The following WWOX variants were observed in gnomAD, a reference collection of about 807,000 sequenced individuals.
WWOX encodes WW domain containing oxidoreductase.
Under a neutral mutation model 46.2 loss-of-function variants are expected in WWOX, and 69 were observed. The observed-to-expected ratio is 1.49, with a 90% CI of 1.23 to 1.82. The LOEUF is 1.82. Among genes scored for constraint, WWOX ranks in the 40% most tolerant of loss-of-function variants. The pLI is 0.00. For synonymous variants in WWOX, 359 were observed against 202.6 expected, an observed-to-expected ratio of 1.77 and a Z score of -6.56; for missense variants, 919 against 542.6, an observed-to-expected ratio of 1.69 and a Z score of -6.89.
intron 8 of WWOX, among the ~76,000 whole-genome samples, chr16:78,488,558 C>A (rs1312896874): frequency 6.6e-6 from 1 of 152,132 alleles, no homozygotes; most frequent in Non-Finnish European, 1.5e-5. Flanking sequence ...CTTTTTGGCC[C>A]TACCTGGAGC....
At chr16:78,939,984 T>C (rs1473342871) in intron 8 of WWOX, among the ~76,000 whole-genome samples, 1 of 152,190 alleles carries the variant, frequency 6.6e-6, no homozygotes, top group Non-Finnish European at 1.5e-5. Flanking sequence ...ACTACATAAC[T>C]GGAAATTTTA....
chr16:78,890,509 C>A (rs1337187473), intron 8 of WWOX: 1 of 152,218 alleles, frequency 6.6e-6, no homozygotes, highest in African/African-American at 2.4e-5. Context: ...GGGCAAGCCT[C>A]CTGGCTTCCC....
At chr16:78,627,755 T>C (rs1161673018) in intron 8 of WWOX, among the ~76,000 whole-genome samples, 1 of 152,206 alleles carries the variant, frequency 6.6e-6, no homozygotes, top group Non-Finnish European at 1.5e-5. Flanking sequence ...TATTTCATTT[T>C]GGAAAAGTTG....
At chr16:78,698,687 A>T (rs112848249) in intron 8 of WWOX, among the ~76,000 whole-genome samples, 1,690 of 152,254 alleles carry the variant, frequency 0.011, 30 homozygotes, top group African/African-American at 0.039. Flanking sequence ...AACCTTAAGT[A>T]TTCTTAAGCC....
intron 5 of WWOX, among the ~76,000 whole-genome samples, chr16:78,381,144 C>T (rs1414234580): frequency 1.1e-4 from 17 of 152,196 alleles, no homozygotes; most frequent in Admixed American, 9.8e-4. Flanking sequence ...CTCCCCATTT[C>T]TCTGTTTAAA....
chr16:79,090,644 C>G (rs1597366318), intron 8 of WWOX, among the ~76,000 whole-genome samples: 1 of 152,102 alleles, frequency 6.6e-6, no homozygotes, highest in African/African-American at 2.4e-5. Flanking sequence ...GGACAGATTC[C>G]TGTCCGAAGA....
At chr16:78,932,448 C>T (rs931331979) in intron 8 of WWOX, among the ~76,000 whole-genome samples, 14 of 152,158 alleles carry the variant, frequency 9.2e-5, no homozygotes, top group African/African-American at 3.4e-4. Flanking sequence ...TCACTTTGCC[C>T]CTCAAAATGT....
intron 8 of WWOX, among the ~76,000 whole-genome samples, chr16:78,479,182 A>G (rs986464190): frequency 1.3e-5 from 2 of 152,238 alleles, no homozygotes; most frequent in African/African-American, 4.8e-5. Context: ...TGTTTGGATT[A>G]ACATATTCTC....
intron 4 of WWOX, chr16:78,123,947 T>C (rs2033245098): frequency 6.6e-6 from 1 of 152,146 alleles, no homozygotes; most frequent in Non-Finnish European, 1.5e-5. Flanking sequence ...AGCTACTTAA[T>C]GTGAAGCAGA....
intron 8 of WWOX, among the ~76,000 whole-genome samples, chr16:78,588,957 T>G (rs560178958): frequency 1.3e-5 from 2 of 152,184 alleles, no homozygotes; most frequent in East Asian, 1.9e-4. Flanking sequence ...CTCTACTGTT[T>G]AGCAGCCACT....
At chr16:78,808,837 C>T (rs1442597862) in intron 8 of WWOX, among the ~76,000 whole-genome samples, 1 of 152,122 alleles carries the variant, frequency 6.6e-6, no homozygotes, top group Non-Finnish European at 1.5e-5. Flanking sequence ...CACCCATCAA[C>T]CTCTACGGCT....
intron 8 of WWOX, among the ~76,000 whole-genome samples, chr16:78,971,189 G>A (rs149062879): frequency 9.2e-5 from 14 of 152,092 alleles, no homozygotes; most frequent in East Asian, 1.9e-4. Context: ...GGCCGGGCAC[G>A]GTGGCCTACA....
chr16:78,728,179 C>G (rs1267607162), intron 8 of WWOX, among the ~76,000 whole-genome samples: 1 of 150,448 alleles, frequency 6.6e-6, no homozygotes. Flanking sequence ...ATTCTCCTGC[C>G]TCAGCCTCCT....
intron 5 of WWOX, among the ~76,000 whole-genome samples, chr16:78,383,659 C>G (rs1227021109): frequency 6.6e-6 from 1 of 152,224 alleles, no homozygotes; most frequent in Non-Finnish European, 1.5e-5. Context: ...ACCCCCAACA[C>G]ACACATAAAC....
At chr16:78,222,870 C>T (rs374227482) in intron 5 of WWOX, among the ~76,000 whole-genome samples, 10 of 152,338 alleles carry the variant, frequency 6.6e-5, no homozygotes, top group Admixed American at 1.3e-4. Context: ...TCTTCCCGCT[C>T]GCTGTGGAGC....
At chr16:78,987,813 A>T (rs2046810510) in intron 8 of WWOX, among the ~76,000 whole-genome samples, 1 of 152,114 alleles carries the variant, frequency 6.6e-6, no homozygotes, top group African/African-American at 2.4e-5. Context: ...CTCTCCAAAA[A>T]TTTCCAGCAG....
At chr16:78,325,609 A>T (rs1341119098) in intron 5 of WWOX, among the ~76,000 whole-genome samples, 1 of 152,184 alleles carries the variant, frequency 6.6e-6, no homozygotes, top group African/African-American at 2.4e-5. Context: ...ATAGAGAAGT[A>T]ATGAGATCAG....
At position 78,386,942 on chromosome 16, in the gene WWOX, A is replaced by G. The variant is rs1011606866; in HGVS notation, c.599A>G (p.Lys200Arg). The G allele has an allele frequency of 5.0e-6, 8 of 1,613,870 alleles. No individual in the cohort carries two copies. The African/African-American group carries it at 6.7e-5, about 13-fold the overall frequency. ...CATTTTGCTGAAGCATTCAAGGCCA[A>G]GAATGTGTGAGTGTTCCAGTGGAGG... is the stretch of plus-strand genomic sequence containing the variant. The part of the protein sequence containing the change: ...VQHFAEAFKA[K>R]NVPLHVLVCN... Residue 200 changes from lysine (K) to arginine (R), a missense_variant, in exon 6 of 9, where the codon AAG (lysine) becomes AGG (arginine). Lys to Arg is a conservative substitution (Grantham distance 26). Coordinates refer to ENST00000566780, the MANE Select transcript of WWOX (RefSeq NM_016373.4).
intron 5 of WWOX, among the ~76,000 whole-genome samples, chr16:78,260,222 G>A (rs1483839240): frequency 6.6e-6 from 1 of 151,422 alleles, no homozygotes; most frequent in Non-Finnish European, 1.5e-5. Context: ...TAGACCCCCA[G>A]CAAACTACAG....
Sources: gnomAD v4.1 joint callset for allele counts (sites outside exome capture counted in the v4.1 genomes callset) on GRCh38, gnomAD v4.1.1 for gene constraint, MANE v1.5 for transcripts, NCBI Gene and HGNC (gene_info 2026-07-23, HGNC 2026-07-21) for gene names.